Variants in TENT5D observed in about 807,000 individuals in gnomAD.
The protein encoded by TENT5D is terminal nucleotidyltransferase 5D, also known as cancer/testis antigen 112.
For synonymous variants in TENT5D, 103 were observed against 100.6 expected (o/e 1.02, Z -0.15); for missense variants, 191 against 287.0 (o/e 0.67, Z 2.42).
At chrX:80,432,706 G>A (rs1233106913) in intron 1 of TENT5D, among the ~76,000 whole-genome samples, 1 of 111,281 alleles carries the variant, frequency 9.0e-6, no homozygotes, top group Non-Finnish European at 1.9e-5. Context: ...GGAGTTCTTT[G>A]TCTCATGTCC....
chrX:80,372,249 T>C (rs1031435486), intron 3 of TENT5D, among the ~76,000 whole-genome samples: 3 of 111,601 alleles, frequency 2.7e-5, no homozygotes, highest in African/African-American at 9.8e-5. Flanking sequence ...CTGACTGGAT[T>C]CAGGAATACC....
chrX:80,339,099 C>A (rs1929907648), intron 2 of TENT5D, among the ~76,000 whole-genome samples: 1 of 111,011 alleles, frequency 9.0e-6, no homozygotes, highest in African/African-American at 3.3e-5. Context: ...AACACAGCAA[C>A]AACAACAAAA....
upstream of TENT5D, chrX:80,420,354 T>G (rs2147559179): frequency 9.1e-6 from 1 of 110,445 alleles, no homozygotes; most frequent in Admixed American, 9.8e-5. Context: ...TTGCCCTATT[T>G]AAATTTATTT....
chrX:80,390,497 C>T (rs1204221901), intron 3 of TENT5D, among the ~76,000 whole-genome samples: 4 of 111,200 alleles, frequency 3.6e-5, no homozygotes, highest in Admixed American at 1.9e-4. Flanking sequence ...TGATAACTGA[C>T]GTTATATATA....
intron 1 of TENT5D, among the ~76,000 whole-genome samples, chrX:80,423,958 T>C (rs1931937423): frequency 9.0e-6 from 1 of 111,316 alleles, no homozygotes; most frequent in Admixed American, 9.6e-5. Flanking sequence ...TGCAGCCTGA[T>C]TTTTCAGGCT....
rs1243950465 is a variant in TENT5D, at chrX:80,346,964, G to A, written c.-142+4400G>A. 3.6e-5 allele frequency among the ~76,000 whole-genome samples: 4 copies of A among 111,217 alleles called. No homozygotes were observed. In the East Asian group the frequency reaches 1.1e-3, roughly 32 times the overall value. ...TCTTCCTGTGTTAGTTTGCGAGGATGATGGTTTCCAGCTTCATCCATGGCC... is the reference window on the plus strand; with the variant it reads ...TCTTCCTGTGTTAGTTTGCGAGGATAATGGTTTCCAGCTTCATCCATGGCC... On this transcript the variant is annotated intron_variant, in intron 3 of 4. Coordinates refer to the TENT5D transcript ENST00000538312.
intron 3 of TENT5D, among the ~76,000 whole-genome samples, chrX:80,389,864 A>G (rs1931092920): frequency 8.9e-6 from 1 of 112,147 alleles, no homozygotes; most frequent in Non-Finnish European, 1.9e-5. Context: ...GGATGATACT[A>G]GAGGATATTA....
intron 1 of TENT5D, among the ~76,000 whole-genome samples, chrX:80,425,111 A>G (rs1435451223): frequency 1.8e-5 from 2 of 112,650 alleles, no homozygotes; most frequent in Non-Finnish European, 3.7e-5. Flanking sequence ...ACCCTTGGCA[A>G]AACACCAGTT....
At chrX:80,440,174 T>C (rs1422957700) in intron 2 of TENT5D, among the ~76,000 whole-genome samples, 1 of 111,731 alleles carries the variant, frequency 9.0e-6, no homozygotes, top group Non-Finnish European at 1.9e-5. Flanking sequence ...TTGTAGGTAA[T>C]TGAAAAGACT....
intron 3 of TENT5D, among the ~76,000 whole-genome samples, chrX:80,381,522 A>G (rs1441566146): frequency 8.9e-6 from 1 of 111,919 alleles, no homozygotes; most frequent in Non-Finnish European, 1.9e-5. Flanking sequence ...AGGTTGGGGA[A>G]GTTCTCCTGG....
At chrX:80,364,825 C>T (rs934547323) in intron 3 of TENT5D, among the ~76,000 whole-genome samples, 1 of 110,165 alleles carries the variant, frequency 9.1e-6, no homozygotes, top group Admixed American at 9.8e-5. Context: ...ACTTTTATTA[C>T]TTTAAAAACA....
intron 3 of TENT5D, among the ~76,000 whole-genome samples, chrX:80,403,139 C>T (rs757221415): frequency 7.1e-5 from 8 of 111,935 alleles, no homozygotes; most frequent in East Asian, 2.8e-4. Flanking sequence ...TAATATGTTT[C>T]GCTCATATTT....
At chrX:80,408,800 G>C (rs1299209037) in intron 3 of TENT5D, among the ~76,000 whole-genome samples, 1 of 110,993 alleles carries the variant, frequency 9.0e-6, no homozygotes, top group Non-Finnish European at 1.9e-5. Context: ...AGCCAAAAAA[G>C]AGAATTTTAG....
At chrX:80,436,801 A>G (rs1444021480) in intron 1 of TENT5D, among the ~76,000 whole-genome samples, 6 of 111,657 alleles carry the variant, frequency 5.4e-5, no homozygotes, top group African/African-American at 2.0e-4. Flanking sequence ...TATTGATACA[A>G]TAAGGACTAT....
intron 3 of TENT5D, among the ~76,000 whole-genome samples, chrX:80,370,162 G>A (rs1011722751): frequency 1.3e-4 from 14 of 108,987 alleles, no homozygotes; most frequent in African/African-American, 2.0e-4. Flanking sequence ...TGCTGGTCTC[G>A]AACTCCTGGC....
At chrX:80,354,707 A>C (rs982888653) in intron 3 of TENT5D, among the ~76,000 whole-genome samples, 1 of 112,015 alleles carries the variant, frequency 8.9e-6, no homozygotes, top group Non-Finnish European at 1.9e-5. Context: ...GTTAAGAGCC[A>C]CTGCTGGGGA....
upstream of TENT5D, among the ~76,000 whole-genome samples, chrX:80,418,769 A>T (rs1194660150): frequency 8.9e-6 from 1 of 111,786 alleles, no homozygotes; most frequent in Non-Finnish European, 1.9e-5. Context: ...CCTATATCTG[A>T]TATATGTATT....
At chrX:80,430,324 C>A (rs978169389) in intron 1 of TENT5D, among the ~76,000 whole-genome samples, 1 of 111,011 alleles carries the variant, frequency 9.0e-6, no homozygotes, top group African/African-American at 3.3e-5. Context: ...GAAGCAACAG[C>A]GAAATTAGGG....
chrX:80,336,629 A>G (rs748233165), intron 2 of TENT5D, among the ~76,000 whole-genome samples: 179 of 109,741 alleles, frequency 1.6e-3, no homozygotes, highest in African/African-American at 5.8e-3. Flanking sequence ...TTTTCCCTGG[A>G]CTCTTAGTAT....
Sources: allele counts gnomAD v4.1 joint callset (sites outside exome capture counted in the v4.1 genomes callset), GRCh38; gene constraint gnomAD v4.1.1; transcripts MANE v1.5; gene names NCBI Gene and HGNC (gene_info 2026-07-23, HGNC 2026-07-21).